ABTB2: variants seen among roughly 807,000 people sequenced by gnomAD.
ABTB2 encodes ankyrin repeat and BTB/POZ domain-containing protein 2.
ABTB2 carries 56 observed loss-of-function variants against 104.1 expected under a neutral mutation model. The observed-to-expected ratio is 0.54, with a 90% CI of 0.43 to 0.67. The LOEUF (loss-of-function observed/expected upper bound fraction) is 0.67, where lower values mean the gene tolerates loss of function less well. Ranked by LOEUF, ABTB2 falls within the 30% of genes least tolerant of loss-of-function variation. ABTB2 has a pLI of 0.00. For synonymous variants in ABTB2, 606 were observed against 608.2 expected (o/e 1.00, Z 0.05); for missense variants, 1,279 against 1,407.7 (o/e 0.91, Z 1.46).
At chr11:34,310,397 C>T (rs988112760) in intron 1 of ABTB2, among the ~76,000 whole-genome samples, 4 of 152,102 alleles carry the variant, frequency 2.6e-5, no homozygotes, top group East Asian at 1.9e-4. Context: ...CTCTGAGTTT[C>T]GAATCAACTT....
chr11:34,356,069 G>A lies in ABTB2; in HGVS notation c.883+632C>T, dbSNP rs750555536. Among the ~76,000 whole-genome samples, 1 of 152,162 alleles carries A rather than the reference G, an allele frequency of 6.6e-6. No individual in the cohort carries two copies. The highest frequency in any genetic ancestry group is 6.5e-5 in the Admixed American group (1 of 15,282). On this transcript the variant is annotated intron_variant, in intron 1 of 16. Coordinates refer to ENST00000435224, the MANE Select transcript of ABTB2 (RefSeq NM_145804.3). This position sits in a 1 kb window ranked among gnomAD's most constrained non-coding sequence, Gnocchi z 4.6. ...TGTGGTTACTTTTCTGGGAAGGGGA[G>A]TCGGGGTCCCCAGGTTTCATCATTC...
chr11:34,298,880 A>G (rs892197447), intron 1 of ABTB2, among the ~76,000 whole-genome samples: 1 of 152,216 alleles, frequency 6.6e-6, no homozygotes, highest in African/African-American at 2.4e-5. Flanking sequence ...GCCTGCATAG[A>G]TGTTTAAATT....
At chr11:34,289,593 A>G (rs1350005175) in intron 1 of ABTB2, among the ~76,000 whole-genome samples, 1 of 152,174 alleles carries the variant, frequency 6.6e-6, no homozygotes, top group Non-Finnish European at 1.5e-5. Flanking sequence ...TAAGGAGGAA[A>G]CTAATGGCAT....
At chr11:34,197,140 T>C (rs1478175978) in intron 3 of ABTB2, among the ~76,000 whole-genome samples, 185 bp downstream of exon 3, 1 of 149,534 alleles carries the variant, frequency 6.7e-6, no homozygotes, top group Non-Finnish European at 1.5e-5. Context: ...GAAAAAAAAA[T>C]CCCACTGCAC....
intron 1 of ABTB2, among the ~76,000 whole-genome samples, chr11:34,230,046 C>T (rs2926461): frequency 0.67 from 101,865 of 152,022 alleles, 34,274 homozygotes; most frequent in Middle Eastern, 0.79. Flanking sequence ...TAGTCGGATA[C>T]AGCTACCTGC....
intron 6 of ABTB2, 34 bp downstream of exon 6, chr11:34,167,869 A>G (rs774129593): frequency 1.3e-4 from 208 of 1,608,654 alleles, no homozygotes; most frequent in Non-Finnish European, 1.7e-4. Flanking sequence ...CTGCTGGCCT[A>G]GGGCCTGGGT....
chr11:34,344,379 G>A (rs942532341), intron 1 of ABTB2, among the ~76,000 whole-genome samples: 2 of 152,218 alleles, frequency 1.3e-5, no homozygotes, highest in Non-Finnish European at 2.9e-5. Flanking sequence ...TCTATTGTCT[G>A]AGTCTCTATG....
intron 1 of ABTB2, among the ~76,000 whole-genome samples, chr11:34,296,644 G>T (rs999723692): frequency 2.6e-5 from 4 of 152,198 alleles, no homozygotes; most frequent in African/African-American, 9.7e-5. Flanking sequence ...GCAGAGGCCA[G>T]CATCTTCCAG....
chr11:34,233,597 G>A (rs1436811510), intron 1 of ABTB2, among the ~76,000 whole-genome samples: 2 of 151,670 alleles, frequency 1.3e-5, no homozygotes, highest in Admixed American at 1.3e-4. Context: ...CAAGCAATCT[G>A]CCTTGGCCTT....
chr11:34,348,025 T>C (rs1373008598), intron 1 of ABTB2, among the ~76,000 whole-genome samples: 1 of 152,248 alleles, frequency 6.6e-6, no homozygotes, highest in Non-Finnish European at 1.5e-5. Flanking sequence ...CTGGGATTGC[T>C]TTGGCCTGTA....
At chr11:34,160,226 G>A (rs1480127634) in intron 12 of ABTB2, 22 bp downstream of exon 12, 13 of 1,580,020 alleles carry the variant, frequency 8.2e-6, no homozygotes, top group Non-Finnish European at 1.0e-5. Flanking sequence ...GGTGATGCAG[G>A]GCGCAGGGGG....
chr11:34,193,809 A>C (rs987034926), intron 3 of ABTB2, among the ~76,000 whole-genome samples: 2 of 152,212 alleles, frequency 1.3e-5, no homozygotes, highest in African/African-American at 4.8e-5. Context: ...CACCAGGCTC[A>C]CTGCAGGAGT....
chr11:34,307,345 T>C (rs1854789594), intron 1 of ABTB2, among the ~76,000 whole-genome samples: 1 of 152,212 alleles, frequency 6.6e-6, no homozygotes, highest in African/African-American at 2.4e-5. Flanking sequence ...AGCCACATTC[T>C]CTCAACGAGA....
At chr11:34,259,110 T>C (rs967382218) in intron 1 of ABTB2, among the ~76,000 whole-genome samples, 1 of 152,234 alleles carries the variant, frequency 6.6e-6, no homozygotes, top group Non-Finnish European at 1.5e-5. Flanking sequence ...GTTGTTACTG[T>C]TACTGTTGCA....
At chr11:34,351,746 T>G (rs10836193) in intron 1 of ABTB2, among the ~76,000 whole-genome samples, 23,862 of 151,898 alleles carry the variant, frequency 0.16, 3,262 homozygotes, top group African/African-American at 0.36. Context: ...GTGCACAGTT[T>G]TATGGGAGAG....
At chr11:34,296,497 G>A (rs747311992) in intron 1 of ABTB2, among the ~76,000 whole-genome samples, 1 of 152,226 alleles carries the variant, frequency 6.6e-6, no homozygotes, top group Non-Finnish European at 1.5e-5. Flanking sequence ...GTATAACCCT[G>A]AGGGCAGGTA....
At chr11:34,187,265 C>A (rs1230585386) in intron 3 of ABTB2, among the ~76,000 whole-genome samples, 1 of 152,190 alleles carries the variant, frequency 6.6e-6, no homozygotes, top group South Asian at 2.1e-4. Flanking sequence ...GTCCATTGCA[C>A]ATAGGCACTA....
intron 1 of ABTB2, among the ~76,000 whole-genome samples, chr11:34,251,141 A>T (rs57240681): frequency 0.063 from 9,539 of 152,194 alleles, 376 homozygotes; most frequent in Middle Eastern, 0.11. Context: ...TGTAAAGGGG[A>T]AGTAGGAGGA....
At chr11:34,290,962 C>G (rs1300090092) in intron 1 of ABTB2, among the ~76,000 whole-genome samples, 2 of 152,220 alleles carry the variant, frequency 1.3e-5, no homozygotes. Flanking sequence ...AAGAGACTAA[C>G]ATTCATTTAA....
Sources: allele counts gnomAD v4.1 joint callset (sites outside exome capture counted in the v4.1 genomes callset), GRCh38; gene constraint gnomAD v4.1.1; non-coding constraint Gnocchi (gnomAD v3.1); transcripts MANE v1.5; gene names NCBI Gene and HGNC (gene_info 2026-07-23, HGNC 2026-07-21).